Variants in ACOXL observed in about 807,000 individuals in gnomAD.
ACOXL encodes the protein acyl-coenzyme A oxidase-like protein.
A neutral mutation model predicts 71.9 loss-of-function variants in ACOXL; 70 were observed. That is an observed-to-expected ratio of 0.97 (90% CI 0.80 to 1.19). The LOEUF (loss-of-function observed/expected upper bound fraction) is 1.19. Among genes scored for constraint, ACOXL ranks in the 50% most tolerant of loss-of-function variants. The probability of loss-of-function intolerance (pLI) is 0.00; values close to 1 mark genes in which losing one functional copy is unlikely to be tolerated. For synonymous variants in ACOXL, 253 were observed against 281.6 expected (o/e 0.90, Z 1.02); for missense variants, 703 against 736.3 (o/e 0.95, Z 0.52).
intron 14 of ACOXL, among the ~76,000 whole-genome samples, chr2:111,013,830 G>GA (rs1297306394): frequency 2.1e-5 from 3 of 145,544 alleles, no homozygotes; most frequent in African/African-American, 7.9e-5. Flanking sequence ...ACAGTACAAA[G>GA]AAAACAATTA....
chr2:110,851,701 G>A (rs1273103546), intron 10 of ACOXL, among the ~76,000 whole-genome samples: 1 of 152,190 alleles, frequency 6.6e-6, no homozygotes, highest in African/African-American at 2.4e-5. Flanking sequence ...CTGTGGTCCT[G>A]AGAGCCCTCA....
intron 9 of ACOXL, among the ~76,000 whole-genome samples, chr2:110,831,651 G>A (rs188415564): frequency 1.3e-5 from 2 of 152,328 alleles, no homozygotes; most frequent in East Asian, 3.9e-4. Flanking sequence ...GAAGAATAAA[G>A]TAGGTAGAAT....
intron 9 of ACOXL, among the ~76,000 whole-genome samples, chr2:110,818,637 T>C (rs1431825246): frequency 6.6e-6 from 1 of 151,910 alleles, no homozygotes; most frequent in African/African-American, 2.4e-5. Flanking sequence ...AGACGGGGGA[T>C]GGGGGAGATT....
chr2:110,885,354 G>A (rs1697150384), intron 10 of ACOXL, among the ~76,000 whole-genome samples: 1 of 152,170 alleles, frequency 6.6e-6, no homozygotes, highest in African/African-American at 2.4e-5. Flanking sequence ...GATTATGTAA[G>A]TTGGCCAGCT....
intron 9 of ACOXL, among the ~76,000 whole-genome samples, chr2:110,813,648 C>T (rs1052181471): frequency 1.3e-5 from 2 of 152,204 alleles, no homozygotes; most frequent in Non-Finnish European, 2.9e-5. Flanking sequence ...GTCCATGTAG[C>T]ATAGATGCTT....
At chr2:110,872,240 G>A (rs1400888196) in intron 10 of ACOXL, among the ~76,000 whole-genome samples, 1 of 152,168 alleles carries the variant, frequency 6.6e-6, no homozygotes, top group Non-Finnish European at 1.5e-5. Context: ...GCCTGGAACT[G>A]GTGTAGGATC....
intron 14 of ACOXL, among the ~76,000 whole-genome samples, chr2:111,003,913 A>G (rs1036397837): frequency 6.6e-6 from 1 of 152,204 alleles, no homozygotes; most frequent in South Asian, 2.1e-4. Context: ...AAAATAAAAG[A>G]TATGATAAAT....
intron 16 of ACOXL, among the ~76,000 whole-genome samples, chr2:111,067,337 A>T (rs868342688): frequency 6.6e-6 from 1 of 152,202 alleles, no homozygotes. Flanking sequence ...AAAATAAAAC[A>T]TACCTTTAAA....
intron 15 of ACOXL, among the ~76,000 whole-genome samples, chr2:111,034,227 A>G (rs996782532): frequency 6.6e-6 from 1 of 152,180 alleles, no homozygotes; most frequent in African/African-American, 2.4e-5. Context: ...AAATGAGACA[A>G]CGCTCCAAAG....
chr2:110,743,966 T>C (rs1677859054), intron 1 of ACOXL, among the ~76,000 whole-genome samples: 2 of 152,216 alleles, frequency 1.3e-5, no homozygotes, highest in Non-Finnish European at 2.9e-5. Flanking sequence ...GGGGCTCTCC[T>C]TCTGCTGGGT....
chr2:110,895,107 G>GA (rs2058954752), intron 10 of ACOXL, among the ~76,000 whole-genome samples: 1 of 152,082 alleles, frequency 6.6e-6, no homozygotes, highest in Non-Finnish European at 1.5e-5. Flanking sequence ...AGAGTAACCT[G>GA]AAAAATATTT....
rs558349537 is a variant in ACOXL, at chr2:110,810,212, C to G, written c.753+4817C>G. On this transcript the variant is annotated intron_variant, in intron 9 of 17. Transcript: ENST00000439055. ...TGGCTATTGCTGTAACACGATCAGG[C>G]CTTTGTCTGTTTTCTTTTTGCTTGG... 2.6e-5 allele frequency among the ~76,000 whole-genome samples: 4 copies of G among 152,272 alleles called. No homozygotes were observed. The South Asian group carries it at 8.3e-4, about 32-fold the overall frequency.
chr2:110,895,384 C>T (rs1394641202), intron 10 of ACOXL, among the ~76,000 whole-genome samples: 1 of 151,668 alleles, frequency 6.6e-6, no homozygotes, highest in Non-Finnish European at 1.5e-5. Flanking sequence ...CAGAATATAG[C>T]CTGGAAAAAA....
chr2:111,097,186 T>C (rs1350795986), intron 17 of ACOXL, among the ~76,000 whole-genome samples: 2 of 152,222 alleles, frequency 1.3e-5, no homozygotes, highest in Admixed American at 1.3e-4. Flanking sequence ...GAAGATGTTT[T>C]CTGTATTTTC....
At chr2:110,949,983 C>T (rs2061262662) in intron 12 of ACOXL, among the ~76,000 whole-genome samples, 1 of 152,094 alleles carries the variant, frequency 6.6e-6, no homozygotes, top group South Asian at 2.1e-4. Flanking sequence ...ACTTAACCCT[C>T]ATTTAACATA....
At position 110,799,014 on chromosome 2, in the gene ACOXL, G is replaced by A. The variant is rs1424343189; in HGVS notation, c.461G>A (p.Gly154Glu). 1.1e-5 allele frequency: 18 copies of A among 1,613,756 alleles called. No homozygotes were observed. The highest frequency in any genetic ancestry group is 1.6e-4 in the Middle Eastern group (1 of 6,080). Residue 154 changes from glycine (G) to glutamate (E), a missense_variant and splice_region_variant, in exon 7 of 18, where the codon GGG becomes GAG. Gly to Glu is a moderately conservative substitution (Grantham distance 98). Transcript: ENST00000439055. ...ATAATGATCTCGATGCCTTCCTTAG[G>A]GCCCCACTGTTTCATCGTTCCTGTC... ...AQLIIDGRSQGPHCFIVPVRD... is the reference protein window; with the variant it reads ...AQLIIDGRSQEPHCFIVPVRD...
At chr2:110,821,686 A>AT in intron 9 of ACOXL, among the ~76,000 whole-genome samples, 1 of 152,142 alleles carries the variant, frequency 6.6e-6, no homozygotes, top group Non-Finnish European at 1.5e-5. Context: ...GTGAGGAGTT[A>AT]TGTTCCACCT....
At chr2:111,002,159 A>C (rs1235032235) in intron 14 of ACOXL, among the ~76,000 whole-genome samples, 2 of 152,210 alleles carry the variant, frequency 1.3e-5, no homozygotes, top group Non-Finnish European at 2.9e-5. Flanking sequence ...CCTGGGACAG[A>C]CAGCCAGCAA....
chr2:110,910,548 ACT>A (rs1459948775), intron 11 of ACOXL, among the ~76,000 whole-genome samples: 1 of 152,214 alleles, frequency 6.6e-6, no homozygotes, highest in East Asian at 1.9e-4. Context: ...AAGAAGTGGT[ACT>A]GTTTTACAGG....
Sources: gnomAD v4.1 joint callset for allele counts (sites outside exome capture counted in the v4.1 genomes callset) on GRCh38, gnomAD v4.1.1 for gene constraint, MANE v1.5 for transcripts, NCBI Gene and HGNC (gene_info 2026-07-23, HGNC 2026-07-21) for gene names.